SYTL2: variants seen among roughly 807,000 people sequenced by gnomAD.
SYTL2 encodes synaptotagmin like 2, also known as synaptotagmin-like protein 2.
Under a neutral mutation model 198.7 loss-of-function variants are expected in SYTL2, and 165 were observed. The observed-to-expected ratio is 0.83, with a 90% CI of 0.73 to 0.94. The LOEUF (loss-of-function observed/expected upper bound fraction) is 0.94, where lower values mean the gene tolerates loss of function less well. SYTL2 is among the 40% of genes least tolerant of loss of function. The pLI is 0.00. For missense variants in SYTL2, 2,835 were observed against 2,582.8 expected (o/e 1.10, Z -2.12); for synonymous variants, 966 against 917.7 (o/e 1.05, Z -0.95).
the SYTL2 span, among the ~76,000 whole-genome samples, chr11:85,837,338 C>G: frequency 0.16 from 23,967 of 152,054 alleles, 2,054 homozygotes; most frequent in Middle Eastern, 0.2. Flanking sequence ...GACCTAGCAG[C>G]GATCTCTCTC....
chr11:85,757,554 A>C, intron 2 of SYTL2, 71 bp downstream of exon 2: 1 of 1,540,798 alleles, frequency 6.5e-7, no homozygotes, highest in South Asian at 1.1e-5. Flanking sequence ...GTTGAAAAAA[A>C]CCCCAGTGTC....
chr11:85,818,688 T>TCTATCTATCTAC, the SYTL2 span, among the ~76,000 whole-genome samples: 3,441 of 151,112 alleles, frequency 0.023, 42 homozygotes, highest in African/African-American at 0.029. Flanking sequence ...TATCTATCTA[T>TCTATCTATCTAC]CTACCTATCT....
intron 1 of SYTL2, among the ~76,000 whole-genome samples, chr11:85,809,576 G>T (rs1433117499): frequency 6.6e-6 from 1 of 152,220 alleles, no homozygotes; most frequent in Non-Finnish European, 1.5e-5. Context: ...GATTGGATTT[G>T]AATTCCAGCT....
chr11:85,724,232 G>A lies in SYTL2; in HGVS notation c.5126C>T (p.Ala1709Val), dbSNP rs771915494. The A allele has an allele frequency of 3.1e-5, 49 of 1,572,090 alleles. No homozygotes were observed. The highest frequency in any genetic ancestry group is 4.0e-5 in the Non-Finnish European group (47 of 1,165,934). Residue 1709 changes from alanine to valine, a missense_variant, in exon 8 of 20, where the codon GCA (alanine) becomes GTA (valine). Physicochemically the swap from Ala to Val is moderately conservative, Grantham distance 64. Coordinates refer to ENST00000359152, the MANE Select transcript of SYTL2 (RefSeq NM_206927.4). The part of the protein sequence containing the change: ...QEPGFGEASE[A>V]ISVSRNRQPI... ...TTGCCTATTTCTGGACACACTAATT[G>A]CTTCAGAAGCCTCTCCAAAGCCAGG...
At chr11:85,832,663 T>C in the SYTL2 span, among the ~76,000 whole-genome samples, 1 of 152,046 alleles carries the variant, frequency 6.6e-6, no homozygotes. Context: ...GAGGAAATAA[T>C]GTTCAAGCTG....
At chr11:85,775,707 C>T (rs1296461425) in intron 1 of SYTL2, among the ~76,000 whole-genome samples, 1 of 152,156 alleles carries the variant, frequency 6.6e-6, no homozygotes, top group East Asian at 1.9e-4. Context: ...TCTTGAACTC[C>T]TGACCTCAAG....
chr11:85,771,921 G>C (rs1180050347), intron 1 of SYTL2, among the ~76,000 whole-genome samples: 5 of 151,464 alleles, frequency 3.3e-5, no homozygotes, highest in Admixed American at 3.3e-4. Flanking sequence ...TATATTTTTT[G>C]AGACAGGATC....
At chr11:85,815,609 A>G (rs1592111124), upstream of SYTL2, among the ~76,000 whole-genome samples, 1 of 152,274 alleles carries the variant, frequency 6.6e-6, no homozygotes, top group East Asian at 1.9e-4. Context: ...ATTCAACCCT[A>G]TGATGTAGGA....
At chr11:85,767,530 G>A (rs774968687) in intron 1 of SYTL2, among the ~76,000 whole-genome samples, 1 of 152,128 alleles carries the variant, frequency 6.6e-6, no homozygotes, top group Non-Finnish European at 1.5e-5. Flanking sequence ...CTGAACTGTA[G>A]CCATCACCAG....
At chr11:85,770,083 A>G (rs2092325497) in intron 1 of SYTL2, among the ~76,000 whole-genome samples, 1 of 152,172 alleles carries the variant, frequency 6.6e-6, no homozygotes. Context: ...AACTCTGAAC[A>G]CACATTCTGG....
chr11:85,714,398 A>AAAAGAC lies in SYTL2; in HGVS notation c.5625+9_5625+14dup, dbSNP rs2086819466. Reference sequence around the variant, plus strand: ...TCTGTCTCCATTTTTCTGAAGGTACAAAAGACAAACTTGCCTCATCTTGGA... The same window carrying AAAAGAC: ...TCTGTCTCCATTTTTCTGAAGGTACAAAAGACAAAGACAAACTTGCCTCATCTTGGA... On this transcript the variant is annotated intron_variant, in intron 12 of 19. Transcript: ENST00000359152. The AAAAGAC allele has an allele frequency of 6.2e-7, 1 of 1,602,516 alleles. No homozygotes were observed. Among genetic ancestry groups the AAAAGAC allele is most frequent in the Non-Finnish European group, 8.5e-7 (1 of 1,169,598 alleles).
At chr11:85,826,065 A>C in the SYTL2 span, among the ~76,000 whole-genome samples, 1 of 152,174 alleles carries the variant, frequency 6.6e-6, no homozygotes, top group Non-Finnish European at 1.5e-5. Context: ...CTGCTAGTCT[A>C]TTCACATTCT....
intron 16 of SYTL2, among the ~76,000 whole-genome samples, chr11:85,704,056 A>T (rs1260015558): frequency 6.6e-6 from 1 of 152,134 alleles, no homozygotes; most frequent in African/African-American, 2.4e-5. Flanking sequence ...ACCCAAATAC[A>T]TCAATATTTA....
At chr11:85,710,457 G>A (rs775606846) in intron 13 of SYTL2, among the ~76,000 whole-genome samples, 2 of 152,150 alleles carry the variant, frequency 1.3e-5, no homozygotes, top group Non-Finnish European at 2.9e-5. Flanking sequence ...CAGCATACTT[G>A]GGTGAATATA....
At chr11:85,812,241 G>A (rs2093044324), upstream of SYTL2, among the ~76,000 whole-genome samples, 1 of 152,228 alleles carries the variant, frequency 6.6e-6, no homozygotes, top group African/African-American at 2.4e-5. Flanking sequence ...TCCTGGACTA[G>A]TGTTGTCCAT....
At chr11:85,718,892 G>C in intron 9 of SYTL2, 49 bp from the exon 10 acceptor site, 1 of 1,603,114 alleles carries the variant, frequency 6.2e-7, no homozygotes, top group South Asian at 1.1e-5. Flanking sequence ...CCCTTGGAGA[G>C]AAAAGAACAA....
intron 5 of SYTL2, 33 bp from the exon 6 acceptor site, chr11:85,736,648 T>G (rs1483179581): frequency 8.2e-7 from 1 of 1,217,336 alleles, no homozygotes; most frequent in Non-Finnish European, 1.2e-6. Context: ...AAACTTATTT[T>G]AAATGTCATG....
chr11:85,828,051 T>C, the SYTL2 span, among the ~76,000 whole-genome samples: 3 of 152,160 alleles, frequency 2.0e-5, no homozygotes, highest in Admixed American at 2.0e-4. Flanking sequence ...ACTAGCTAAC[T>C]GTAGTGACTA....
Position 85,727,325 on chromosome 11 carries a change from T to C in SYTL2, c.2033A>G (p.Asp678Gly). Residue 678 changes from aspartate to glycine, a missense_variant, in exon 8 of 20, where the codon GAT becomes GGT. Coordinates refer to ENST00000359152, the MANE Select transcript of SYTL2 (RefSeq NM_206927.4). ...GTTGCATGGAACTTGGTTTTCTGCA[T>C]CAGATTCCTTGAGAACACTGTAGGA... Reference protein sequence around the residue: ...NYSYSVLKESDAENQVPCNTN... With the variant: ...NYSYSVLKESGAENQVPCNTN... 12 of 1,535,958 alleles carry C rather than the reference T, an allele frequency of 7.8e-6. No homozygotes were observed. The highest frequency in any genetic ancestry group is 1.0e-5 in the Non-Finnish European group (12 of 1,146,868).
Sources: gnomAD v4.1 joint callset for allele counts (sites outside exome capture counted in the v4.1 genomes callset) on GRCh38, gnomAD v4.1.1 for gene constraint, MANE v1.5 for transcripts, NCBI Gene and HGNC (gene_info 2026-07-23, HGNC 2026-07-21) for gene names.